CCAR2: variants seen among roughly 807,000 people sequenced by gnomAD.
CCAR2 encodes cell cycle and apoptosis regulator 2, also known as cell cycle and apoptosis regulator protein 2.
CCAR2 carries 21 observed loss-of-function variants against 108.1 expected under a neutral mutation model. The ratio of observed to expected loss-of-function variants is 0.19; its 90% confidence interval spans 0.14 to 0.28. CCAR2 has a LOEUF of 0.28. Ranked by LOEUF, CCAR2 falls within the 10% of genes least tolerant of loss-of-function variation. The probability of loss-of-function intolerance (pLI) is 1.00; values close to 1 mark genes in which losing one functional copy is unlikely to be tolerated. For missense variants in CCAR2, 1,126 were observed against 1,177.0 expected (o/e 0.96, Z 0.63); for synonymous variants, 577 against 472.8 (o/e 1.22, Z -2.86).
chr8:22,604,934 G>T (rs1201288367), intron 1 of CCAR2, 92 bp downstream of exon 1: 1 of 356,706 alleles, frequency 2.8e-6, no homozygotes, highest in Non-Finnish European at 5.4e-6. Context: ...CGGCGAAGAT[G>T]CGTGGGGCGC....
intron 2 of CCAR2, 69 bp downstream of exon 2, chr8:22,605,900 C>T (rs1801058814): frequency 4.6e-6 from 7 of 1,511,250 alleles, no homozygotes; most frequent in South Asian, 4.5e-5. Flanking sequence ...TTGGGGTTTC[C>T]CTGGTGGAGA....
At chr8:22,604,976 G>T (rs1181118967) in intron 1 of CCAR2, 134 bp downstream of exon 1, 5 of 321,182 alleles carry the variant, frequency 1.6e-5, no homozygotes, top group Admixed American at 8.8e-5. Context: ...TGGACTGCAA[G>T]TCCCGTCTCC....
rs201939576 is a variant in CCAR2 at position 22,619,623 on chromosome 8, A to G, written c.2728-15A>G. 1.9e-5 allele frequency: 29 copies of G among 1,544,416 alleles called. No homozygotes were observed. The East Asian group carries it at 6.2e-4, about 33-fold the overall frequency. On this transcript the variant is annotated splice_polypyrimidine_tract_variant and intron_variant, in intron 20 of 20. Transcript: ENST00000308511. ...TGCCAGGCCCGATTCTGGGTACATC[A>G]TCTGTTTCAAACAGGCTGACAGCTG...
chr8:22,614,891 T>C lies in CCAR2; in HGVS notation c.1095T>C (p.Ser365=), dbSNP rs758390671. 3.7e-6 allele frequency: 6 copies of C among 1,613,922 alleles called. No individual in the cohort carries two copies. The African/African-American group carries it at 4.0e-5, about 11-fold the overall frequency. The change falls in exon 11 of 21, where the codon TCT becomes TCC. Residue 365 remains serine (S), a synonymous_variant. Coordinates refer to ENST00000308511, the MANE Select transcript of CCAR2 (RefSeq NM_001393997.1). ...CAGTGCTGGTTGGGGGTGAATGGTC[T>C]CCTTCCCTGGATGGCCTCGACCCCC... is the stretch of plus-strand genomic sequence containing the variant. ...EEAVLVGGEW[S]PSLDGLDPQA... is the part of the protein sequence containing the mutation.
chr8:22,620,505 T>C (rs13439542), downstream of CCAR2: 17,350 of 144,726 alleles, frequency 0.12, 2,199 homozygotes, highest in African/African-American at 0.32. Flanking sequence ...CTTCCTACTC[T>C]CCTAGGCTTG....
At chr8:22,617,652 A>G in intron 15 of CCAR2, 44 bp from the exon 16 acceptor site, 1 of 1,613,768 alleles carries the variant, frequency 6.2e-7, no homozygotes, top group Admixed American at 1.7e-5. Context: ...TGTACTGTGG[A>G]GTTGGGTGGG....
chr8:22,616,128 G>A lies in CCAR2; in HGVS notation c.1725G>A (p.Lys575=), dbSNP rs200890629. The A allele has an allele frequency of 9.3e-6, 15 of 1,613,774 alleles. No homozygotes were observed. Among genetic ancestry groups the A allele is most frequent in the African/African-American group, 1.3e-5 (1 of 74,914 alleles). Residue 575 remains lysine (K), a synonymous_variant, in exon 14 of 21, where the codon AAG becomes AAA. Coordinates refer to ENST00000308511, the MANE Select transcript of CCAR2 (RefSeq NM_001393997.1). ...TCGTGTCCCCACCTGAACCTGAGAA[G>A]GAGGAGGCGGCCAAGGAAGAAGCCA... is the stretch of plus-strand genomic sequence containing the variant. ...EKVVSPPEPE[K]EEAAKEEATK...
At chr8:22,606,337 C>T (rs2117410121) in intron 3 of CCAR2, among the ~76,000 whole-genome samples, 161 bp downstream of exon 3, 2 of 152,200 alleles carry the variant, frequency 1.3e-5, no homozygotes, top group East Asian at 3.8e-4. Context: ...ACTGGGGCAT[C>T]TTCATTTCTC....
intron 2 of CCAR2, 55 bp downstream of exon 2, chr8:22,605,886 T>A: frequency 1.9e-6 from 3 of 1,559,778 alleles, no homozygotes; most frequent in Non-Finnish European, 2.6e-6. Flanking sequence ...GCTCTGGAGT[T>A]AGTTTGGGGT....
Position 22,619,880 on chromosome 8 carries a change from C to T in CCAR2, c.*198C>T, listed in dbSNP as rs200583727. The T allele has an allele frequency of 1.5e-4, 88 of 597,014 alleles. No homozygotes were observed. The highest frequency in any genetic ancestry group is 4.5e-4 in the Middle Eastern group (1 of 2,238). 37.0% of individuals were successfully genotyped at this position (597,014 alleles called of 1,614,324 possible). A position where few individuals can be genotyped will look rare whatever the true frequency, so the allele number is the denominator to read the frequency against. On this transcript the variant is annotated 3_prime_UTR_variant, in exon 21 of 21. Transcript: ENST00000308511. The stretch of plus-strand genomic sequence containing the variant: ...TGTGGGATGGATGTGTGAGGAACCC[C>T]GGTTCCACTTAACAACTAAATACAA...
chr8:22,604,950 G>A (rs531273213), intron 1 of CCAR2, 108 bp downstream of exon 1: 2 of 345,788 alleles, frequency 5.8e-6, no homozygotes, highest in Admixed American at 7.9e-5. Context: ...GGCGCGGAAG[G>A]GGCCGAGCCC....
chr8:22,615,589 C>T lies in CCAR2; in HGVS notation c.1370C>T (p.Ala457Val), dbSNP rs1163160490. 6 of 1,613,864 alleles carry T rather than the reference C, an allele frequency of 3.7e-6. No individual in the cohort carries two copies. Among genetic ancestry groups the T allele is most frequent in the Non-Finnish European group, 1.7e-6 (2 of 1,179,998 alleles). The change falls in exon 12 of 21, where the codon GCA (alanine) becomes GTA (valine). Residue 457 changes from alanine (A) to valine (V), a missense_variant. By Grantham distance (64) the Ala-to-Val change is moderately conservative (BLOSUM62 0). Coordinates refer to ENST00000308511, the MANE Select transcript of CCAR2 (RefSeq NM_001393997.1). The part of the protein sequence containing the change: ...AAEAAPPTQE[A>V]QGETEPTEQA... ...GAGGCAGCTCCCCCAACCCAGGAGG[C>T]ACAAGGGGTAAGGCTGTGCCTTAGC...
rs1415942933 is a variant in CCAR2 at position 22,616,962 on chromosome 8, A to G, written c.1846-458A>G. 4.6e-4 allele frequency among the ~76,000 whole-genome samples: 46 copies of G among 100,544 alleles called. 1 individual carries two copies. The highest frequency in any genetic ancestry group is 0.011 in the Middle Eastern group (1 of 92). 66.0% of individuals were successfully genotyped at this position (100,544 alleles called of 152,430 possible). A position where few individuals can be genotyped will look rare whatever the true frequency, so the allele number is the denominator to read the frequency against. On this transcript the variant is annotated intron_variant, in intron 14 of 20. Transcript: ENST00000308511. ...AGTGGCGCAACCTCGGCTCACTGCA[A>G]CCTCTGCCTCCCAGGTTCAAACGAT... is the stretch of plus-strand genomic sequence containing the variant.
At chr8:22,605,170 G>T (rs1276848058) in intron 1 of CCAR2, 3 of 193,776 alleles carry the variant, frequency 1.5e-5, no homozygotes, top group Non-Finnish European at 3.3e-5. Context: ...GCGTTTGGTC[G>T]GCCAGGGAGC....
Position 22,614,362 on chromosome 8 carries a change from G to T in CCAR2, c.928-28G>T, listed in dbSNP as rs761295696. The T allele has an allele frequency of 6.8e-6, 11 of 1,613,756 alleles. No individual in the cohort carries two copies. The South Asian group carries it at 1.1e-4, about 16-fold the overall frequency. On this transcript the variant is annotated intron_variant, in intron 9 of 20. Transcript: ENST00000308511. ...CTTATCTGATTTCTGGAGGCTGAAG[G>T]CAGCTCTGAGTGTCTCCTCCTGCAC... is the stretch of plus-strand genomic sequence containing the variant.
chr8:22,606,390 T>C (rs1362898101), intron 3 of CCAR2, among the ~76,000 whole-genome samples: 2 of 152,200 alleles, frequency 1.3e-5, no homozygotes, highest in African/African-American at 4.8e-5. Flanking sequence ...ATTAATGAAC[T>C]GGAAATCCCA....
chr8:22,621,266 G>A (rs930148626), downstream of CCAR2: 2 of 1,028,686 alleles, frequency 1.9e-6, no homozygotes, highest in East Asian at 2.6e-5. Context: ...AGGGCTCCTG[G>A]TGCCAGGCTC....
intron 15 of CCAR2, 52 bp from the exon 16 acceptor site, chr8:22,617,644 T>C (rs1488250001): frequency 1.9e-6 from 3 of 1,613,982 alleles, no homozygotes; most frequent in Non-Finnish European, 2.5e-6. Flanking sequence ...TTCATTTTTG[T>C]ACTGTGGAGT....
chr8:22,618,539 C>T (rs901519472), intron 17 of CCAR2, 44 bp downstream of exon 17: 2 of 1,614,096 alleles, frequency 1.2e-6, no homozygotes, highest in South Asian at 1.1e-5. Context: ...CAGGCCTGCA[C>T]TTACTCCTGC....
Sources: gnomAD v4.1 joint callset for allele counts (sites outside exome capture counted in the v4.1 genomes callset) on GRCh38, gnomAD v4.1.1 for gene constraint, MANE v1.5 for transcripts, NCBI Gene and HGNC (gene_info 2026-07-23, HGNC 2026-07-21) for gene names.